The following PDE4B variants were observed in gnomAD, a reference collection of about 807,000 sequenced individuals.
PDE4B encodes 3',5'-cyclic-AMP phosphodiesterase 4B.
Under a neutral mutation model 82.2 loss-of-function variants are expected in PDE4B, and 20 were observed. The observed-to-expected ratio is 0.24, with a 90% CI of 0.17 to 0.35. The LOEUF is 0.35. PDE4B is among the 10% of genes least tolerant of loss of function. The probability of loss-of-function intolerance (pLI) is 1.00; values close to 1 mark genes in which losing one functional copy is unlikely to be tolerated. For missense variants in PDE4B, 655 were observed against 907.2 expected, an observed-to-expected ratio of 0.72 and a Z score of 3.57; for synonymous variants, 320 against 318.9, an observed-to-expected ratio of 1.00 and a Z score of -0.04.
rs962704339 is a variant in PDE4B at position 66,149,371 on chromosome 1, A to G, written c.282-98089A>G. The stretch of plus-strand genomic sequence containing the variant: ...ACACAAGTATGTCTGATTATTGATT[A>G]TATAATTTGCAAATATTTTCTCCTA... On this transcript the variant is annotated intron_variant, in intron 3 of 16. Transcript: ENST00000341517. Among the ~76,000 whole-genome samples, 5 of 152,300 alleles carry G rather than the reference A, an allele frequency of 3.3e-5. No individual in the cohort carries two copies. In the South Asian group the frequency reaches 1.0e-3, roughly 32 times the overall value.
intron 7 of PDE4B, chr1:66,267,031 C>A: frequency 6.3e-6 from 1 of 159,432 alleles, no homozygotes; most frequent in Non-Finnish European, 1.4e-5. Flanking sequence ...ATAAGTATAA[C>A]GGAAGTATTA....
chr1:65,967,771 A>G (rs1649916838), intron 3 of PDE4B, among the ~76,000 whole-genome samples: 1 of 152,206 alleles, frequency 6.6e-6, no homozygotes, highest in African/African-American at 2.4e-5. Context: ...ACACAGGAAC[A>G]GAAAACCAAA....
intron 3 of PDE4B, among the ~76,000 whole-genome samples, chr1:65,955,583 G>C (rs1649216090): frequency 6.6e-6 from 1 of 152,120 alleles, no homozygotes; most frequent in Admixed American, 6.6e-5. Context: ...TTTGGGATTC[G>C]AGCCCATGTC....
intron 1 of PDE4B, among the ~76,000 whole-genome samples, chr1:65,853,841 G>A (rs533501808): frequency 6.6e-6 from 1 of 152,206 alleles, no homozygotes; most frequent in South Asian, 2.1e-4. Context: ...TTACTTTTAA[G>A]AAGTTGTTCT....
At chr1:65,935,000 A>G (rs1000203681) in intron 3 of PDE4B, among the ~76,000 whole-genome samples, 4 of 152,212 alleles carry the variant, frequency 2.6e-5, no homozygotes, top group African/African-American at 9.6e-5. Context: ...ACAGCACTAT[A>G]GACCAAATGA....
At chr1:66,063,229 T>A (rs1179934393) in intron 3 of PDE4B, among the ~76,000 whole-genome samples, 2 of 152,022 alleles carry the variant, frequency 1.3e-5, no homozygotes, top group African/African-American at 4.8e-5. Flanking sequence ...AGTTTCTCAC[T>A]CAGTTGGAAT....
chr1:66,310,274 G>A (rs1658575886), intron 7 of PDE4B, among the ~76,000 whole-genome samples: 1 of 152,120 alleles, frequency 6.6e-6, no homozygotes, highest in Non-Finnish European at 1.5e-5. Flanking sequence ...AGAGGCTAAG[G>A]GGCTTTCTTT....
chr1:65,848,467 A>ATATT (rs140068279), intron 1 of PDE4B, among the ~76,000 whole-genome samples: 1 of 152,052 alleles, frequency 6.6e-6, no homozygotes, highest in African/African-American at 2.4e-5. Flanking sequence ...TTTGACATAT[A>ATATT]TGTCTGTGAA....
At chr1:65,968,653 T>C (rs1339271001) in intron 3 of PDE4B, among the ~76,000 whole-genome samples, 1 of 152,194 alleles carries the variant, frequency 6.6e-6, no homozygotes, top group African/African-American at 2.4e-5. Context: ...TGTGAATTGT[T>C]GTAATGGACC....
chr1:66,100,910 C>A (rs1472057578), intron 3 of PDE4B, among the ~76,000 whole-genome samples: 3 of 152,050 alleles, frequency 2.0e-5, no homozygotes, highest in Admixed American at 2.0e-4. Context: ...TATACATGTG[C>A]CATGTTGGTG....
intron 3 of PDE4B, among the ~76,000 whole-genome samples, chr1:66,139,610 A>G (rs1306157978): frequency 3.3e-5 from 5 of 152,174 alleles, no homozygotes; most frequent in African/African-American, 1.2e-4. Flanking sequence ...AATGTAACAT[A>G]TCTATGAATT....
intron 1 of PDE4B, among the ~76,000 whole-genome samples, chr1:65,905,828 G>T (rs930555161): frequency 4.6e-5 from 7 of 152,056 alleles, no homozygotes; most frequent in African/African-American, 1.4e-4. Context: ...CCCAGGCCAA[G>T]GTGTTCAGTA....
chr1:66,083,171 T>C (rs529437556), intron 3 of PDE4B, among the ~76,000 whole-genome samples: 1 of 152,236 alleles, frequency 6.6e-6, no homozygotes, highest in East Asian at 1.9e-4. Flanking sequence ...CGTGGCCACA[T>C]TAATCTTCTT....
rs188750630 is a variant in PDE4B at position 66,231,397 on chromosome 1, C to T, written c.282-16063C>T. Among the ~76,000 whole-genome samples, 9 of 152,160 alleles carry T rather than the reference C, an allele frequency of 5.9e-5. No homozygotes were observed. The East Asian group carries it at 7.7e-4, about 13-fold the overall frequency. ...TGTTTTGATTCAACTGAGTAATTTA[C>T]CAGTAAGTTAAGATAATTGAGTATT... On this transcript the variant is annotated intron_variant, in intron 3 of 16. Coordinates refer to ENST00000341517, the MANE Select transcript of PDE4B (RefSeq NM_002600.4).
chr1:66,311,382 T>C (rs1658655439), intron 7 of PDE4B, among the ~76,000 whole-genome samples: 1 of 152,280 alleles, frequency 6.6e-6, no homozygotes, highest in Non-Finnish European at 1.5e-5. Flanking sequence ...AAATCATCAT[T>C]GCTATGAGAA....
intron 1 of PDE4B, among the ~76,000 whole-genome samples, chr1:65,912,610 C>T (rs1314505160): frequency 2.0e-5 from 3 of 152,166 alleles, no homozygotes; most frequent in Admixed American, 6.5e-5. Flanking sequence ...GCTCTAACTA[C>T]CGGTTGCTAG....
chr1:65,845,441 C>T (rs909188967), intron 1 of PDE4B, among the ~76,000 whole-genome samples: 2 of 152,182 alleles, frequency 1.3e-5, no homozygotes, highest in Non-Finnish European at 2.9e-5. Flanking sequence ...ACTTCAGTCT[C>T]GTGTGAGTCA....
chr1:66,068,339 G>T (rs1215277367), intron 3 of PDE4B, among the ~76,000 whole-genome samples: 4 of 151,944 alleles, frequency 2.6e-5, no homozygotes, highest in African/African-American at 9.7e-5. Context: ...CTTCCTTGGA[G>T]AGTTGTGTAG....
chr1:66,317,681 G>C (rs546017865), intron 7 of PDE4B, among the ~76,000 whole-genome samples: 113 of 152,140 alleles, frequency 7.4e-4, no homozygotes, highest in African/African-American at 2.6e-3. Flanking sequence ...AGGCTCACTT[G>C]AGCCCAGGAG....
Sources: allele counts gnomAD v4.1 joint callset (sites outside exome capture counted in the v4.1 genomes callset), GRCh38; gene constraint gnomAD v4.1.1; transcripts MANE v1.5; gene names NCBI Gene and HGNC (gene_info 2026-07-23, HGNC 2026-07-21).